The following DNAH10 variants were observed in gnomAD, a reference collection of about 807,000 sequenced individuals.
DNAH10 encodes the protein axonemal beta dynein heavy chain 10.
A neutral mutation model predicts 506.6 loss-of-function variants in DNAH10; 348 were observed. The observed-to-expected ratio is 0.69, with a 90% CI of 0.63 to 0.75. The LOEUF (loss-of-function observed/expected upper bound fraction) is 0.75, where lower values mean the gene tolerates loss of function less well. Ranked by LOEUF, DNAH10 falls within the 30% of genes least tolerant of loss-of-function variation. The pLI is 0.00. For missense variants in DNAH10, 5,179 were observed against 5,787.1 expected (o/e 0.89, Z 3.41); for synonymous variants, 2,059 against 2,198.6 (o/e 0.94, Z 1.78).
chr12:123,856,136 T>G (rs543994268), intron 36 of DNAH10, among the ~76,000 whole-genome samples: 1 of 147,140 alleles, frequency 6.8e-6, no homozygotes, highest in East Asian at 1.9e-4. Context: ...ATTTATAAAT[T>G]TATATAATTT....
intron 71 of DNAH10, 87 bp from the exon 72 acceptor site, chr12:123,929,577 C>G: frequency 6.4e-7 from 1 of 1,570,574 alleles, no homozygotes; most frequent in Non-Finnish European, 8.7e-7. Context: ...AGGGTTGCAC[C>G]GTTCCCAGCA....
Position 123,879,714 on chromosome 12 carries a change from T to C in DNAH10, c.8547T>C (p.Phe2849=). 1 of 1,614,020 alleles carries C rather than the reference T, an allele frequency of 6.2e-7. No individual in the cohort carries two copies. Among genetic ancestry groups the C allele is most frequent in the Non-Finnish European group, 8.5e-7 (1 of 1,179,882 alleles). Residue 2849 remains phenylalanine (F), a synonymous_variant, in exon 50 of 79, where the codon TTT becomes TTC. Coordinates refer to ENST00000673944, the MANE Select transcript of DNAH10 (RefSeq NM_001372106.1). ...TGGTGATGAGGGATCCCATATTGTTTGGAGACTTCCAGATGGCTCTGCACG... is the reference window on the plus strand; with the variant it reads ...TGGTGATGAGGGATCCCATATTGTTCGGAGACTTCCAGATGGCTCTGCACG... ...VEVVMRDPIL[F]GDFQMALHEG... is the part of the protein sequence containing the mutation.
Position 123,762,618 on chromosome 12 carries a change from G to A in DNAH10, c.214+68G>A. 5 of 1,459,490 alleles carry A rather than the reference G, an allele frequency of 3.4e-6. No homozygotes were observed. The highest frequency in any genetic ancestry group is 4.6e-6 in the Non-Finnish European group (5 of 1,093,788). The allele number at this position is 1,459,490 out of a possible 1,614,324, so 90.4% of individuals were successfully genotyped here. ...GCCCGTCCCGGCCTCTCCGGCGGGCGCCGGGGCTGCTAGAGCCTGCCCATC... is the reference window on the plus strand; with the variant it reads ...GCCCGTCCCGGCCTCTCCGGCGGGCACCGGGGCTGCTAGAGCCTGCCCATC... On this transcript the variant is annotated intron_variant, in intron 1 of 78. Coordinates refer to ENST00000673944, the MANE Select transcript of DNAH10 (RefSeq NM_001372106.1). This position sits in a 1 kb window ranked among gnomAD's most constrained non-coding sequence, Gnocchi z 5.0.
chr12:123,846,233 G>A lies in DNAH10; in HGVS notation c.5814+79G>A. 3 of 1,472,608 alleles carry A rather than the reference G, an allele frequency of 2.0e-6. No homozygotes were observed. Among genetic ancestry groups the A allele is most frequent in the Non-Finnish European group, 2.7e-6 (3 of 1,098,812 alleles). 91.2% of individuals were successfully genotyped at this position (1,472,608 alleles called of 1,614,324 possible). A position where few individuals can be genotyped will look rare whatever the true frequency, so the allele number is the denominator to read the frequency against. ...TCTCTAAGCTTGAGGTGTGATGACT[G>A]CAGTGATTGAAATAGCAGGGGAGAT... On this transcript the variant is annotated intron_variant, in intron 32 of 78. Transcript: ENST00000673944. This position sits in a 1 kb window ranked among gnomAD's most constrained non-coding sequence, Gnocchi z 4.5.
At chr12:123,786,018 A>G (rs1165995165) in intron 9 of DNAH10, 82 bp downstream of exon 9, 4 of 1,340,170 alleles carry the variant, frequency 3.0e-6, no homozygotes, top group Admixed American at 2.3e-5. Flanking sequence ...CTATTGAGCT[A>G]TAATTCACAT....
intron 50 of DNAH10, among the ~76,000 whole-genome samples, chr12:123,880,420 G>T (rs1006377460): frequency 2.0e-5 from 3 of 152,118 alleles, no homozygotes; most frequent in African/African-American, 7.2e-5. Context: ...GCTCTCTGCA[G>T]CCTCAACCTC....
intron 34 of DNAH10, among the ~76,000 whole-genome samples, chr12:123,849,135 C>T (rs1951067222): frequency 6.6e-6 from 1 of 152,140 alleles, no homozygotes; most frequent in African/African-American, 2.4e-5. Context: ...GGGCGTGGGG[C>T]AGAGTTCTCA....
rs139367140 is a variant in DNAH10 at position 123,861,196 on chromosome 12, A to T, written c.6908+26A>T. The T allele has an allele frequency of 7.3e-3, 11,736 of 1,610,260 alleles. 74 individuals are homozygous for T. Among genetic ancestry groups the T allele is most frequent in the Middle Eastern group, 0.022 (134 of 5,974 alleles). On this transcript the variant is annotated intron_variant, in intron 39 of 78. Transcript: ENST00000673944. ...GTGAGTATCTTTGTAGGTAGGAAAG[A>T]GCCTGGGTTAGTTAATGTTAATTAG...
At chr12:123,879,942 C>A in intron 50 of DNAH10, 141 bp downstream of exon 50, 3 of 1,009,052 alleles carry the variant, frequency 3.0e-6, no homozygotes, top group Non-Finnish European at 4.3e-6. Flanking sequence ...TGTGTCTGGT[C>A]CGGTGGTTCC....
intron 3 of DNAH10, 35 bp downstream of exon 3, chr12:123,771,733 A>C: frequency 6.5e-7 from 1 of 1,546,128 alleles, no homozygotes; most frequent in Non-Finnish European, 8.8e-7. Context: ...TGGTGGGGTA[A>C]TGGGGACCCT....
intron 19 of DNAH10, among the ~76,000 whole-genome samples, chr12:123,811,507 A>AT (rs199572725): frequency 0.061 from 8,393 of 137,168 alleles, 360 homozygotes; most frequent in African/African-American, 0.13. Context: ...ATTTTTATTT[A>AT]TTTTTTTTTT....
chr12:123,880,505 G>C (rs1331617099), intron 50 of DNAH10, among the ~76,000 whole-genome samples: 2 of 151,828 alleles, frequency 1.3e-5, no homozygotes, highest in Non-Finnish European at 2.9e-5. Flanking sequence ...GTGCCCAGCT[G>C]ATTTTTTTGT....
At chr12:123,931,891 C>T (rs770282681) in intron 75 of DNAH10, 44 bp downstream of exon 75, 2 of 1,612,648 alleles carry the variant, frequency 1.2e-6, no homozygotes, top group Non-Finnish European at 1.7e-6. Context: ...AGATACGTGG[C>T]ACCTGGGGTT....
rs78648333 is a variant in DNAH10 at position 123,767,570 on chromosome 12, G to A, written c.215-36G>A. On this transcript the variant is annotated intron_variant, in intron 1 of 78. Coordinates refer to ENST00000673944, the MANE Select transcript of DNAH10 (RefSeq NM_001372106.1). The stretch of plus-strand genomic sequence containing the variant: ...GGTGTTTCATGCAGTGAACAATTAC[G>A]TTTAATATTTTCTTCCCATTTATGT... 5,412 of 1,582,596 alleles carry A rather than the reference G, an allele frequency of 3.4e-3. 145 individuals carry two copies. The African/African-American group carries it at 0.059, about 17-fold the overall frequency.
intron 5 of DNAH10, among the ~76,000 whole-genome samples, chr12:123,779,024 C>T (rs190002831): frequency 3.9e-5 from 6 of 152,084 alleles, no homozygotes; most frequent in East Asian, 3.9e-4. Context: ...CTCAGCCTCC[C>T]GAGTAGCTGG....
chr12:123,869,463 TC>T (rs1217556407), intron 43 of DNAH10, among the ~76,000 whole-genome samples: 1 of 151,964 alleles, frequency 6.6e-6, no homozygotes, highest in Non-Finnish European at 1.5e-5. Flanking sequence ...TAAATCCCAG[TC>T]CCCAGCTGGC....
intron 39 of DNAH10, among the ~76,000 whole-genome samples, chr12:123,861,516 C>CT (rs1951611357): frequency 6.6e-6 from 1 of 152,214 alleles, no homozygotes. Flanking sequence ...ATCAAGCTGC[C>CT]TGATCACCAC....
intron 55 of DNAH10, among the ~76,000 whole-genome samples, chr12:123,898,273 C>A (rs1953346324): frequency 6.6e-6 from 1 of 152,174 alleles, no homozygotes; most frequent in Admixed American, 6.5e-5. Flanking sequence ...TGCAGTGGTG[C>A]AACCATGGCT....
chr12:123,817,609 TA>T (rs1369864556), intron 21 of DNAH10, among the ~76,000 whole-genome samples: 3 of 152,210 alleles, frequency 2.0e-5, no homozygotes, highest in Non-Finnish European at 4.4e-5. Flanking sequence ...CTCTATTAAA[TA>T]AAATTATTTT....
Sources: allele counts gnomAD v4.1 joint callset (sites outside exome capture counted in the v4.1 genomes callset), GRCh38; gene constraint gnomAD v4.1.1; non-coding constraint Gnocchi (gnomAD v3.1); transcripts MANE v1.5; gene names NCBI Gene and HGNC (gene_info 2026-07-23, HGNC 2026-07-21).